PTPRD: variants seen among roughly 807,000 people sequenced by gnomAD.
The protein encoded by PTPRD is protein tyrosine phosphatase receptor type D.
In PTPRD, 34 loss-of-function variants were observed where a neutral mutation model predicts 214.5. That is an observed-to-expected ratio of 0.16 (90% CI 0.12 to 0.21). The LOEUF (loss-of-function observed/expected upper bound fraction) is 0.21. Ranked by LOEUF, PTPRD falls within the 10% of genes least tolerant of loss-of-function variation. PTPRD has a pLI of 1.00. For missense variants in PTPRD, 2,545 were observed against 2,398.7 expected, an observed-to-expected ratio of 1.06 and a Z score of -1.27; for synonymous variants, 1,128 against 845.7, an observed-to-expected ratio of 1.33 and a Z score of -5.79.
At chr9:8,579,910 CTT>C in intron 14 of PTPRD, among the ~76,000 whole-genome samples, 1 of 152,278 alleles carries the variant, frequency 6.6e-6, no homozygotes, top group South Asian at 2.1e-4. Context: ...ACAGTTCCCT[CTT>C]TTTGCCACAG....
At chr9:9,872,816 G>C (rs1299865881) in intron 5 of PTPRD, among the ~76,000 whole-genome samples, 2 of 152,138 alleles carry the variant, frequency 1.3e-5, no homozygotes, top group African/African-American at 4.8e-5. Context: ...AAACCTTCAA[G>C]AGAAGATGGA....
chr9:9,740,359 C>T (rs1466615875), intron 6 of PTPRD, among the ~76,000 whole-genome samples: 1 of 133,912 alleles, frequency 7.5e-6, no homozygotes, highest in Non-Finnish European at 1.6e-5. Flanking sequence ...TCTAAAACTA[C>T]TATTTTTTTT....
At chr9:9,382,047 A>G (rs1038404827) in intron 9 of PTPRD, among the ~76,000 whole-genome samples, 9 of 152,006 alleles carry the variant, frequency 5.9e-5, no homozygotes, top group African/African-American at 1.9e-4. Flanking sequence ...GTCTCTTTAC[A>G]TTTCTACCAT....
At chr9:9,855,582 C>T (rs1335180474) in intron 5 of PTPRD, among the ~76,000 whole-genome samples, 1 of 152,136 alleles carries the variant, frequency 6.6e-6, no homozygotes, top group African/African-American at 2.4e-5. Context: ...CCGCTCTCAA[C>T]AATTTGACGG....
Position 9,569,279 on chromosome 9 carries a change from GA to G in PTPRD, c.-237+5452del, listed in dbSNP as rs150202629. Among the ~76,000 whole-genome samples the G allele has an allele frequency of 3.7e-3, 545 of 145,352 alleles. 5 individuals are homozygous for G. Among genetic ancestry groups the G allele is most frequent in the African/African-American group, 0.011 (458 of 39,964 alleles). ...ACAATAATTTCTACAGAGCAGAGGG[GA>G]AAAAAAAAAGGTATTTAAAGGGAAG... On this transcript the variant is annotated intron_variant, in intron 8 of 45. Coordinates refer to ENST00000381196, the MANE Select transcript of PTPRD (RefSeq NM_002839.4).
chr9:10,511,062 T>C (rs1566632265), intron 2 of PTPRD, among the ~76,000 whole-genome samples: 1 of 152,190 alleles, frequency 6.6e-6, no homozygotes, highest in Non-Finnish European at 1.5e-5. Context: ...AATGTACTTA[T>C]GATTCATACA....
At chr9:10,476,888 G>C (rs905860431) in intron 2 of PTPRD, among the ~76,000 whole-genome samples, 5 of 152,086 alleles carry the variant, frequency 3.3e-5, no homozygotes, top group Non-Finnish European at 4.4e-5. Flanking sequence ...AATAGGTAAA[G>C]AATTCCTTAT....
At chr9:8,942,812 A>C (rs1206839484) in intron 11 of PTPRD, among the ~76,000 whole-genome samples, 5 of 152,108 alleles carry the variant, frequency 3.3e-5, no homozygotes, top group Admixed American at 6.5e-5. Flanking sequence ...CAATTTTTTA[A>C]AAAAAATTTC....
At chr9:9,311,381 C>A (rs1316530282) in intron 9 of PTPRD, among the ~76,000 whole-genome samples, 3 of 152,054 alleles carry the variant, frequency 2.0e-5, no homozygotes, top group African/African-American at 7.2e-5. Context: ...AGCATATTAA[C>A]AACTAAACAA....
chr9:9,152,444 G>A (rs1460977593), intron 10 of PTPRD, among the ~76,000 whole-genome samples: 1 of 152,094 alleles, frequency 6.6e-6, no homozygotes, highest in Non-Finnish European at 1.5e-5. Flanking sequence ...TAAGTCTCAA[G>A]GGGGAAATTA....
chr9:9,144,706 T>C (rs1265136561), intron 10 of PTPRD, among the ~76,000 whole-genome samples: 1 of 152,020 alleles, frequency 6.6e-6, no homozygotes, highest in East Asian at 1.9e-4. Flanking sequence ...TGACGTGAGA[T>C]TGTACTATTG....
intron 10 of PTPRD, among the ~76,000 whole-genome samples, chr9:9,169,661 TC>T (rs1475249299): frequency 6.6e-6 from 1 of 152,168 alleles, no homozygotes; most frequent in African/African-American, 2.4e-5. Context: ...TAAAAGAGAT[TC>T]TTCTGTATTT....
intron 7 of PTPRD, among the ~76,000 whole-genome samples, chr9:9,672,933 G>A (rs1028479493): frequency 2.0e-5 from 3 of 152,018 alleles, no homozygotes; most frequent in African/African-American, 7.2e-5. Context: ...ATTGGTATTT[G>A]ACTCTAGCGT....
intron 4 of PTPRD, among the ~76,000 whole-genome samples, chr9:9,940,389 C>T (rs10978118): frequency 0.042 from 6,462 of 152,048 alleles, 144 homozygotes; most frequent in Non-Finnish European, 0.056. Flanking sequence ...CTCCATCAGG[C>T]TAGTTGCCAG....
chr9:9,236,671 C>T (rs116080990), intron 9 of PTPRD, among the ~76,000 whole-genome samples: 374 of 143,680 alleles, frequency 2.6e-3, no homozygotes, highest in African/African-American at 7.3e-3. Flanking sequence ...CATTTGTGGT[C>T]CTTCCCCTTC....
intron 8 of PTPRD, among the ~76,000 whole-genome samples, chr9:9,484,716 A>G (rs1301066493): frequency 6.6e-6 from 1 of 152,120 alleles, no homozygotes; most frequent in Admixed American, 6.6e-5. Flanking sequence ...AAGAAACAAA[A>G]TTTTACGAGG....
At chr9:9,109,504 A>G (rs1420251593) in intron 10 of PTPRD, among the ~76,000 whole-genome samples, 2 of 152,148 alleles carry the variant, frequency 1.3e-5, no homozygotes, top group African/African-American at 4.8e-5. Context: ...TGAAATAAGA[A>G]AATGTACCCA....
intron 8 of PTPRD, among the ~76,000 whole-genome samples, chr9:9,412,134 CT>C (rs1217423728): frequency 2.6e-5 from 4 of 152,250 alleles, no homozygotes; most frequent in Admixed American, 2.0e-4. Context: ...ATATATAGCA[CT>C]TTTTTTCTTT....
Position 10,359,066 on chromosome 9 carries a change from T to G in PTPRD, c.-599-18049A>C, listed in dbSNP as rs151012506. ...TATATTACAAGTCTAATACCTAATG[T>G]CACAATGTGGAACAACGGTACCAAT... On this transcript the variant is annotated intron_variant, in intron 2 of 45. Coordinates refer to ENST00000381196, the MANE Select transcript of PTPRD (RefSeq NM_002839.4). Among the ~76,000 whole-genome samples, 324 of 152,152 alleles carry G rather than the reference T, an allele frequency of 2.1e-3. 2 individuals carry two copies. The highest frequency in any genetic ancestry group is 6.8e-3 in the African/African-American group (281 of 41,568).
Sources: gnomAD v4.1 joint callset for allele counts (sites outside exome capture counted in the v4.1 genomes callset) on GRCh38, gnomAD v4.1.1 for gene constraint, MANE v1.5 for transcripts, NCBI Gene and HGNC (gene_info 2026-07-23, HGNC 2026-07-21) for gene names.